Variants in MCCC1 observed in about 807,000 individuals in gnomAD.
MCCC1 encodes the protein methylcrotonyl-CoA carboxylase subunit 1.
In MCCC1, 64 loss-of-function variants were observed where a neutral mutation model predicts 83.8. That is an observed-to-expected ratio of 0.76 (90% CI 0.62 to 0.94). The LOEUF (loss-of-function observed/expected upper bound fraction) is 0.94, where lower values mean the gene tolerates loss of function less well. Ranked by LOEUF, MCCC1 falls within the 40% of genes least tolerant of loss-of-function variation. The pLI is 0.00. For missense variants in MCCC1, 807 were observed against 904.7 expected (o/e 0.89, Z 1.39); for synonymous variants, 322 against 315.4 (o/e 1.02, Z -0.22).
chr3:183,056,946 C>T (rs905154483), intron 8 of MCCC1, among the ~76,000 whole-genome samples: 4 of 152,206 alleles, frequency 2.6e-5, no homozygotes, highest in East Asian at 1.9e-4. Context: ...CCACCCACCT[C>T]GGCCTCCCAA....
intron 13 of MCCC1, among the ~76,000 whole-genome samples, 174 bp downstream of exon 13, chr3:183,037,044 T>C (rs1470661894): frequency 2.0e-5 from 3 of 152,050 alleles, no homozygotes; most frequent in African/African-American, 7.2e-5. Context: ...TGTTTATGGG[T>C]GCATCCATGG....
chr3:183,088,446 A>G lies in MCCC1; in HGVS notation c.274-1658T>C, dbSNP rs184174702. Among the ~76,000 whole-genome samples the G allele has an allele frequency of 5.9e-5, 9 of 152,248 alleles. No homozygotes were observed. In the East Asian group the frequency reaches 1.7e-3, roughly 29 times the overall value. Reference sequence around the variant, plus strand: ...AATCTCAAACTCCTGACCTCAGGTGATCTGCCTGCCTGGGCCTCTCAAAGT... The same window carrying G: ...AATCTCAAACTCCTGACCTCAGGTGGTCTGCCTGCCTGGGCCTCTCAAAGT... On this transcript the variant is annotated intron_variant, in intron 3 of 18. Coordinates refer to ENST00000265594, the MANE Select transcript of MCCC1 (RefSeq NM_020166.5).
chr3:183,056,639 G>A (rs1415632982), intron 8 of MCCC1, among the ~76,000 whole-genome samples: 1 of 152,196 alleles, frequency 6.6e-6, no homozygotes, highest in Non-Finnish European at 1.5e-5. Context: ...ACAAAAAATA[G>A]ATTCAATTAA....
chr3:183,097,593 C>T (rs1256379803), intron 1 of MCCC1, among the ~76,000 whole-genome samples: 2 of 152,190 alleles, frequency 1.3e-5, no homozygotes, highest in Non-Finnish European at 2.9e-5. Flanking sequence ...TGAAGCCTCA[C>T]TGTGTTGCCC....
chr3:183,061,586 C>A (rs1283718863), intron 7 of MCCC1, among the ~76,000 whole-genome samples: 3 of 152,178 alleles, frequency 2.0e-5, no homozygotes, highest in Non-Finnish European at 4.4e-5. Flanking sequence ...TTAGCCTCAG[C>A]CATTTTTCAA....
At chr3:183,095,503 A>G (rs539085784) in intron 1 of MCCC1, among the ~76,000 whole-genome samples, 3 of 152,210 alleles carry the variant, frequency 2.0e-5, no homozygotes, top group African/African-American at 7.2e-5. Context: ...TTCTCATCCG[A>G]GTCCCTCCAA....
chr3:183,039,122 G>A lies in MCCC1; in HGVS notation c.1281C>T (p.Ser427=), dbSNP rs763713221. 3.5e-5 allele frequency: 56 copies of A among 1,614,080 alleles called. No homozygotes were observed. In the East Asian group the frequency reaches 6.2e-4, roughly 18 times the overall value. The change falls in exon 12 of 19, where the codon TCC becomes TCT. Residue 427 remains serine, a synonymous_variant. Coordinates refer to ENST00000265594, the MANE Select transcript of MCCC1 (RefSeq NM_020166.5). The stretch of plus-strand genomic sequence containing the variant: ...TCGCAATCATGGGGTCATAATGCAC[G>A]GAAACTTCGTCTCCTGAAATTGAAA... The part of the protein sequence containing the change: ...ETGVRQGDEV[S]VHYDPMIAKL...
intron 3 of MCCC1, among the ~76,000 whole-genome samples, chr3:183,091,623 C>A (rs187661035): frequency 6.6e-6 from 1 of 151,972 alleles, no homozygotes; most frequent in Non-Finnish European, 1.5e-5. Flanking sequence ...ATAACTCACC[C>A]GTAACATTCA....
intron 7 of MCCC1, among the ~76,000 whole-genome samples, 194 bp from the exon 8 acceptor site, chr3:183,057,616 T>C (rs1279029058): frequency 1.3e-5 from 2 of 152,202 alleles, no homozygotes; most frequent in Non-Finnish European, 1.5e-5. Context: ...AGACGGCTCA[T>C]GCCCGTAATC....
intron 2 of MCCC1, among the ~76,000 whole-genome samples, chr3:183,093,144 T>C (rs1156825696): frequency 6.6e-6 from 1 of 152,174 alleles, no homozygotes; most frequent in Non-Finnish European, 1.5e-5. Flanking sequence ...TCCACCTGCC[T>C]TGGCCTCCCG....
chr3:183,075,806 T>G (rs553570594), intron 4 of MCCC1, among the ~76,000 whole-genome samples: 2 of 151,998 alleles, frequency 1.3e-5, no homozygotes, highest in East Asian at 3.9e-4. Context: ...TCCCAAAGTG[T>G]TGGAATTACA....
At position 183,025,861 on chromosome 3, in the gene MCCC1, A is replaced by G. The variant is rs1047132483; in HGVS notation, c.1682-57T>C. The G allele has an allele frequency of 2.1e-6, 3 of 1,457,282 alleles. No individual in the cohort carries two copies. In the African/African-American group the frequency reaches 4.2e-5, roughly 20 times the overall value. The allele number at this position is 1,457,282 out of a possible 1,614,324, so 90.3% of individuals were successfully genotyped here. Reference sequence around the variant, plus strand: ...ATTAGAAGACATTCATTTATTTAATAACCGAGATATAAAGAATCTCACTCT... The same window carrying G: ...ATTAGAAGACATTCATTTATTTAATGACCGAGATATAAAGAATCTCACTCT... On this transcript the variant is annotated intron_variant, in intron 14 of 18. Coordinates refer to ENST00000265594, the MANE Select transcript of MCCC1 (RefSeq NM_020166.5).
chr3:183,034,777 C>CT (rs397963844), intron 13 of MCCC1, among the ~76,000 whole-genome samples: 71,999 of 143,860 alleles, frequency 0.5, 22,321 homozygotes, highest in Non-Finnish European at 0.7. Context: ...CCTTATAGGC[C>CT]TTTTTTTTTT....
chr3:183,078,984 T>C (rs1301751171), intron 4 of MCCC1, among the ~76,000 whole-genome samples: 4 of 152,230 alleles, frequency 2.6e-5, no homozygotes, highest in Non-Finnish European at 5.9e-5. Flanking sequence ...GACTCATTCA[T>C]GACCATGAGA....
intron 7 of MCCC1, 77 bp from the exon 8 acceptor site, chr3:183,057,499 G>A: frequency 1.8e-6 from 2 of 1,121,064 alleles, no homozygotes; most frequent in Non-Finnish European, 1.3e-6. Flanking sequence ...TAAACTGTTA[G>A]GCACAATCAC....
chr3:183,034,422 T>A (rs1176068273), intron 13 of MCCC1, among the ~76,000 whole-genome samples: 9 of 122,206 alleles, frequency 7.4e-5, no homozygotes. Flanking sequence ...CTGCACCGGA[T>A]CCAGCCTGGG....
At chr3:183,088,420 T>C (rs1718073158) in intron 3 of MCCC1, among the ~76,000 whole-genome samples, 3 of 152,124 alleles carry the variant, frequency 2.0e-5, no homozygotes, top group African/African-American at 7.2e-5. Context: ...TTGGCCAGGC[T>C]AATCTCAAAC....
At chr3:183,078,309 C>G (rs952817510) in intron 4 of MCCC1, among the ~76,000 whole-genome samples, 3 of 152,224 alleles carry the variant, frequency 2.0e-5, no homozygotes, top group Non-Finnish European at 4.4e-5. Context: ...GTGTGAGCCA[C>G]TGCACCTGGC....
At chr3:183,087,952 C>G (rs1577354774) in intron 3 of MCCC1, among the ~76,000 whole-genome samples, 2 of 150,966 alleles carry the variant, frequency 1.3e-5, no homozygotes, top group South Asian at 4.2e-4. Flanking sequence ...AGGAATGGAG[C>G]TGAGGATGAG....
Sources: gnomAD v4.1 joint callset for allele counts (sites outside exome capture counted in the v4.1 genomes callset) on GRCh38, gnomAD v4.1.1 for gene constraint, MANE v1.5 for transcripts, NCBI Gene and HGNC (gene_info 2026-07-23, HGNC 2026-07-21) for gene names.